Variants in FRMPD4 observed in about 807,000 individuals in gnomAD.
The protein encoded by FRMPD4 is FERM and PDZ domain containing 4.
A neutral mutation model predicts 94.1 loss-of-function variants in FRMPD4; 22 were observed. The observed-to-expected ratio is 0.23, with a 90% CI of 0.17 to 0.33. The LOEUF is 0.33. Ranked by LOEUF, FRMPD4 falls within the 10% of genes least tolerant of loss-of-function variation. The pLI, the probability that FRMPD4 is intolerant of heterozygous loss-of-function variation, is 1.00. For synonymous variants in FRMPD4, 631 were observed against 548.6 expected (o/e 1.15, Z -2.10); for missense variants, 1,111 against 1,339.9 (o/e 0.83, Z 2.67).
At chrX:12,383,798 A>G (rs1372398642) in intron 1 of FRMPD4, among the ~76,000 whole-genome samples, 1 of 111,889 alleles carries the variant, frequency 8.9e-6, no homozygotes, top group Non-Finnish European at 1.9e-5. Flanking sequence ...CAATAGGTTC[A>G]ATGACAAGTT....
chrX:11,830,437 T>C (rs974810209), intron 1 of FRMPD4, among the ~76,000 whole-genome samples: 6 of 111,376 alleles, frequency 5.4e-5, no homozygotes, highest in African/African-American at 2.0e-4. Flanking sequence ...ACATGCACAT[T>C]GGCATTCATT....
chrX:12,390,165 G>GT (rs1465170810), intron 1 of FRMPD4, among the ~76,000 whole-genome samples: 10 of 112,516 alleles, frequency 8.9e-5, no homozygotes, highest in African/African-American at 3.2e-4. Flanking sequence ...GGAATCAAAA[G>GT]TAGGTTCCCA....
chrX:12,245,506 T>G (rs775516026), intron 1 of FRMPD4, among the ~76,000 whole-genome samples: 1 of 94,461 alleles, frequency 1.1e-5, no homozygotes, highest in Admixed American at 1.4e-4. Flanking sequence ...TCCTCTCTTA[T>G]GTCCTCTTTT....
chrX:12,546,150 G>A (rs1014071576), intron 2 of FRMPD4, among the ~76,000 whole-genome samples: 12 of 107,284 alleles, frequency 1.1e-4, no homozygotes, highest in African/African-American at 3.4e-4. Flanking sequence ...ATCCCAAATC[G>A]TGAGAACTGT....
At chrX:12,197,279 A>T (rs5935262) in intron 1 of FRMPD4, among the ~76,000 whole-genome samples, 52,564 of 109,602 alleles carry the variant, frequency 0.48, 9,238 homozygotes, top group East Asian at 0.76. Context: ...TCTTGCTTCC[A>T]TAACTGTGAA....
intron 3 of FRMPD4, among the ~76,000 whole-genome samples, chrX:11,879,318 G>A (rs1195474249): frequency 8.9e-6 from 1 of 111,836 alleles, no homozygotes; most frequent in Non-Finnish European, 1.9e-5. Flanking sequence ...CATCACTTAA[G>A]ACATAGGATC....
At chrX:12,635,006 G>A (rs980746193) in intron 4 of FRMPD4, among the ~76,000 whole-genome samples, 6 of 108,885 alleles carry the variant, frequency 5.5e-5, no homozygotes, top group African/African-American at 1.7e-4. Flanking sequence ...GCTAATTTTC[G>A]TATTTTTAGT....
intron 1 of FRMPD4, among the ~76,000 whole-genome samples, chrX:12,408,592 A>C (rs1267799634): frequency 9.0e-6 from 1 of 111,155 alleles, no homozygotes. Context: ...ATCAGTATCT[A>C]CTGAGTATGA....
At chrX:12,071,176 C>A (rs902734333) in intron 3 of FRMPD4, among the ~76,000 whole-genome samples, 1 of 110,630 alleles carries the variant, frequency 9.0e-6, no homozygotes, top group African/African-American at 3.3e-5. Flanking sequence ...TTCCCTTTCC[C>A]CTTCCTCCTC....
At chrX:12,571,268 A>G (rs1161770491) in intron 2 of FRMPD4, among the ~76,000 whole-genome samples, 2 of 112,840 alleles carry the variant, frequency 1.8e-5, no homozygotes, top group African/African-American at 6.4e-5. Context: ...AAAACATATT[A>G]TGGTATTTGC....
chrX:11,823,524 T>G, intron 1 of FRMPD4, among the ~76,000 whole-genome samples: 1 of 110,812 alleles, frequency 9.0e-6, no homozygotes, highest in Non-Finnish European at 1.9e-5. Flanking sequence ...ATTTAAATTC[T>G]AAAATTGGAG....
At chrX:12,183,588 C>A (rs1476502) in intron 1 of FRMPD4, among the ~76,000 whole-genome samples, 20,679 of 111,095 alleles carry the variant, frequency 0.19, 2,628 homozygotes, top group African/African-American at 0.46. Context: ...CTAATAATTA[C>A]ACCAAAGAAT....
Position 12,139,141 on chromosome X carries a change from C to T in FRMPD4, c.41+129C>T, listed in dbSNP as rs759158913. The T allele has an allele frequency of 1.1e-4, 54 of 474,207 alleles. No individual in the cohort carries two copies. The South Asian group carries it at 2.7e-3, about 24-fold the overall frequency. 39.1% of individuals were successfully genotyped at this position (474,207 alleles called of 1,213,427 possible). On this transcript the variant is annotated intron_variant, in intron 1 of 16. Coordinates refer to ENST00000675598, the MANE Select transcript of FRMPD4 (RefSeq NM_001368397.1). ...ACGGGGCTTAAGACAAACGAAGTGGCCGGGGGCTTCCACGTTCAACTTATT... is the reference window on the plus strand; with the variant it reads ...ACGGGGCTTAAGACAAACGAAGTGGTCGGGGGCTTCCACGTTCAACTTATT...
intron 1 of FRMPD4, among the ~76,000 whole-genome samples, chrX:12,256,609 G>A (rs953978933): frequency 8.0e-5 from 9 of 111,856 alleles, no homozygotes; most frequent in Non-Finnish European, 1.5e-4. Flanking sequence ...TTCATAAAGT[G>A]CTCTTGATTT....
intron 2 of FRMPD4, among the ~76,000 whole-genome samples, chrX:12,576,367 T>TA (rs759990576): frequency 1.8e-5 from 2 of 112,831 alleles, no homozygotes; most frequent in African/African-American, 6.4e-5. Flanking sequence ...AGGAAACATT[T>TA]AAAAAATTCT....
rs755772103 is a variant in FRMPD4 at position 11,910,577 on chromosome X, C to T, written c.95+32559C>T. On this transcript the variant is annotated intron_variant, in intron 3 of 18. Transcript: ENST00000640291. ...TACAGGCGCGTGCCACCACACCCAACGAATTTTTTTGTGTTTTTAATAGGG... is the reference window on the plus strand; with the variant it reads ...TACAGGCGCGTGCCACCACACCCAATGAATTTTTTTGTGTTTTTAATAGGG... Among the ~76,000 whole-genome samples, 9 of 111,152 alleles carry T rather than the reference C, an allele frequency of 8.1e-5. No homozygotes were observed. The East Asian group carries it at 2.3e-3, about 28-fold the overall frequency.
At chrX:12,702,435 C>G (rs955466247) in intron 10 of FRMPD4, among the ~76,000 whole-genome samples, 1 of 111,842 alleles carries the variant, frequency 8.9e-6, no homozygotes, top group African/African-American at 3.3e-5. Flanking sequence ...AGGATTCAAA[C>G]CCAGGCAGTG....
intron 1 of FRMPD4, among the ~76,000 whole-genome samples, chrX:11,842,236 A>T (rs1488848015): frequency 9.8e-6 from 1 of 102,272 alleles, no homozygotes; most frequent in East Asian, 3.2e-4. Context: ...TGCGGGCTCT[A>T]TTTTGGTTCC....
At position 12,558,662 on chromosome X, in the gene FRMPD4, T is replaced by C. The variant is rs67720235; in HGVS notation, c.159-51059T>C. 3.7e-5 allele frequency among the ~76,000 whole-genome samples: 4 copies of C among 109,029 alleles called. No homozygotes were observed. In the East Asian group the frequency reaches 8.6e-4, roughly 24 times the overall value. The allele number at this position is 109,029 out of a possible 115,157, so 94.7% of individuals were successfully genotyped here. A position where few individuals can be genotyped will look rare whatever the true frequency, so the allele number is the denominator to read the frequency against. On this transcript the variant is annotated intron_variant, in intron 2 of 16. Coordinates refer to ENST00000675598, the MANE Select transcript of FRMPD4 (RefSeq NM_001368397.1). ...AGGGGGAATGCATGGATTTTTTTTT[T>C]CCCCTCCACATGAAAAGGCTAAGCA...
Sources: allele counts gnomAD v4.1 joint callset (sites outside exome capture counted in the v4.1 genomes callset), GRCh38; gene constraint gnomAD v4.1.1; transcripts MANE v1.5; gene names NCBI Gene and HGNC (gene_info 2026-07-23, HGNC 2026-07-21).